FGR: variants seen among roughly 807,000 people sequenced by gnomAD.
FGR encodes tyrosine-protein kinase Fgr.
Under a neutral mutation model 63.2 loss-of-function variants are expected in FGR, and 26 were observed. That is an observed-to-expected ratio of 0.41 (90% CI 0.30 to 0.57). The LOEUF (loss-of-function observed/expected upper bound fraction) is 0.57, where lower values mean the gene tolerates loss of function less well. FGR is among the 20% of genes least tolerant of loss of function. The pLI, the probability that FGR is intolerant of heterozygous loss-of-function variation, is 0.27. For missense variants in FGR, 511 were observed against 690.8 expected (o/e 0.74, Z 2.92); for synonymous variants, 286 against 277.7 (o/e 1.03, Z -0.30).
rs373209754 is a variant in FGR, at chr1:27,614,892, G to A, written c.1053C>T (p.Gly351=). Residue 351 remains glycine, a synonymous_variant, in exon 10 of 13, where the codon GGC becomes GGT. Transcript: ENST00000374005. ...SLLDFLKNPE[G]QDLRLPQLVD... ...CCAATTGGGGCAGCCTCAAATCCTG[G>A]CCCTCTGGGTTCTTGAGAAAATCCA... The A allele has an allele frequency of 6.3e-7, 1 of 1,599,714 alleles. No individual in the cohort carries two copies.
At position 27,613,089 on chromosome 1, in the gene FGR, T is replaced by A. The variant is rs1456131761; in HGVS notation, c.1415A>T (p.Glu472Val). Reference protein sequence around the residue: ...MNKREVLEQVEQGYHMPCPPG... With the variant: ...MNKREVLEQVVQGYHMPCPPG... Reference sequence around the variant, plus strand: ...AGGGCACGGCATGTGGTAGCCCTGCTCCACCTGTTCCAACACTTCCCGTTT... The same window carrying A: ...AGGGCACGGCATGTGGTAGCCCTGCACCACCTGTTCCAACACTTCCCGTTT... The change falls in exon 13 of 13, where the codon GAG becomes GTG. Residue 472 changes from glutamate to valine, a missense_variant. By Grantham distance (121) the Glu-to-Val change is moderately radical. Coordinates refer to ENST00000374005, the MANE Select transcript of FGR (RefSeq NM_005248.3). 2.5e-6 allele frequency: 4 copies of A among 1,614,178 alleles called. No homozygotes were observed. The highest frequency in any genetic ancestry group is 1.7e-5 in the Admixed American group (1 of 60,030).
At chr1:27,621,531 G>A (rs2089925367) in intron 5 of FGR, 28 bp downstream of exon 5, 1 of 1,564,972 alleles carries the variant, frequency 6.4e-7, no homozygotes, top group South Asian at 1.1e-5. Context: ...CTGTCCATAG[G>A]GCTGGTCTTG....
chr1:27,627,621 A>C lies in FGR; in HGVS notation c.-76-2470T>G, dbSNP rs575500919. Among the ~76,000 whole-genome samples the C allele has an allele frequency of 2.6e-4, 39 of 152,170 alleles. 1 individual carries two copies. The highest frequency in any genetic ancestry group is 8.7e-4 in the African/African-American group (36 of 41,510). On this transcript the variant is annotated intron_variant, in intron 1 of 12. Transcript: ENST00000374005. ...TAGTATTATTATTATTAATTTATTT[A>C]TTTTGAGAGGGAGTTTCACTCTTGT...
chr1:27,622,581 C>T (rs2089950493), intron 4 of FGR, among the ~76,000 whole-genome samples: 1 of 152,142 alleles, frequency 6.6e-6, no homozygotes, highest in African/African-American at 2.4e-5. Context: ...TCTCAGCTCA[C>T]TGCAACCTCT....
At position 27,612,211 on chromosome 1, in the gene FGR, C is replaced by T. The variant is rs2148522244; in HGVS notation, c.*703G>A. 1 of 152,316 alleles carries T rather than the reference C, an allele frequency of 6.6e-6. No individual in the cohort carries two copies. The highest frequency in any genetic ancestry group is 2.1e-4 in the South Asian group (1 of 4,824). The allele number at this position is 152,316 out of a possible 1,614,324, so 9.4% of individuals were successfully genotyped here. ...GGCATTAGGGCCCTCTCCAGCTTCC[C>T]CTGCTGCTGCCTGTAGCCATATCTG... On this transcript the variant is annotated 3_prime_UTR_variant, in exon 13 of 13. Coordinates refer to ENST00000374005, the MANE Select transcript of FGR (RefSeq NM_005248.3).
chr1:27,613,637 C>T (rs1259167915), intron 11 of FGR, among the ~76,000 whole-genome samples: 3 of 131,426 alleles, frequency 2.3e-5, no homozygotes, highest in Admixed American at 1.8e-4. Flanking sequence ...TGGGAGGCTT[C>T]AATAACCTGA....
chr1:27,627,252 C>A (rs1014605391), intron 1 of FGR, among the ~76,000 whole-genome samples: 2 of 150,930 alleles, frequency 1.3e-5, no homozygotes, highest in Admixed American at 1.3e-4. Flanking sequence ...CCTCAAATGG[C>A]GCACCATGCT....
At chr1:27,623,265 TC>T (rs1313974245) in intron 3 of FGR, 121 bp from the exon 4 acceptor site, 11 of 707,778 alleles carry the variant, frequency 1.6e-5, no homozygotes, top group Non-Finnish European at 2.7e-5. Flanking sequence ...GTGCTCTGGT[TC>T]CCAAAGGCCT....
At chr1:27,613,387 G>A in intron 11 of FGR, 37 bp from the exon 12 acceptor site, 2 of 1,607,844 alleles carry the variant, frequency 1.2e-6, no homozygotes, top group Non-Finnish European at 1.7e-6. Flanking sequence ...GTTAGTGAGG[G>A]GGTCCCTGGA....
chr1:27,617,310 C>A lies in FGR; in HGVS notation c.429-14G>T, dbSNP rs2089833345. 1 of 1,597,590 alleles carries A rather than the reference C, an allele frequency of 6.3e-7. No individual in the cohort carries two copies. The highest frequency in any genetic ancestry group is 1.3e-5 in the African/African-American group (1 of 74,606). On this transcript the variant is annotated splice_polypyrimidine_tract_variant and intron_variant, in intron 5 of 12. Transcript: ENST00000374005. This position sits in a 1 kb window ranked among gnomAD's most constrained non-coding sequence, Gnocchi z 4.5. ...CCAAAGTACCACCTGTTGGGAAAGG[C>A]AGGCAAGAGTCAGGTACGCTCTGCT...
rs753758593 is a variant in FGR, at chr1:27,614,544, T to TG, written c.1134dup (p.Ile379HisfsTer33). ...TTGGCTGCCCTCAGGTCGCGGTGAATGTAGTTCATGCGTTCCATGTAGGCC... is the reference window on the plus strand; with the variant it reads ...TTGGCTGCCCTCAGGTCGCGGTGAATGGTAGTTCATGCGTTCCATGTAGGCC... On this transcript the variant is annotated frameshift_variant, in exon 11 of 13. Coordinates refer to ENST00000374005, the MANE Select transcript of FGR (RefSeq NM_005248.3). LOFTEE classifies it high-confidence loss of function. 23 of 1,613,948 alleles carry TG rather than the reference T, an allele frequency of 1.4e-5. No homozygotes were observed. The South Asian group carries it at 2.4e-4, about 17-fold the overall frequency.
At chr1:27,631,611 C>T (rs2090105557) in intron 1 of FGR, among the ~76,000 whole-genome samples, 2 of 152,196 alleles carry the variant, frequency 1.3e-5, no homozygotes, top group African/African-American at 4.8e-5. Context: ...TTCTCAGCAT[C>T]AAATGGGGTC....
intron 5 of FGR, 30 bp downstream of exon 5, chr1:27,621,529 A>C (rs1226937539): frequency 8.4e-6 from 13 of 1,554,602 alleles, no homozygotes; most frequent in Non-Finnish European, 1.2e-5. Context: ...TCCTGTCCAT[A>C]GGGCTGGTCT....
intron 5 of FGR, among the ~76,000 whole-genome samples, chr1:27,620,092 A>C (rs1488501571): frequency 3.9e-5 from 6 of 152,016 alleles, no homozygotes; most frequent in Non-Finnish European, 5.9e-5. Context: ...TGAGGCAGGA[A>C]GATCACTTGA....
At position 27,617,401 on chromosome 1, in the gene FGR, A is replaced by C; in HGVS notation, c.429-105T>G. 1 of 783,516 alleles carries C rather than the reference A, an allele frequency of 1.3e-6. No homozygotes were observed. The highest frequency in any genetic ancestry group is 2.2e-6 in the Non-Finnish European group (1 of 456,766). The allele number at this position is 783,516 out of a possible 1,614,324, so 48.5% of individuals were successfully genotyped here. A position where few individuals can be genotyped will look rare whatever the true frequency, so the allele number is the denominator to read the frequency against. On this transcript the variant is annotated intron_variant, in intron 5 of 12. Transcript: ENST00000374005. The surrounding 1 kb of genome is among the most constrained non-coding windows in gnomAD (Gnocchi z 4.5). ...CAAGACTCCATTTTCCCCATGTGTA[A>C]AATGGGGCTGGTACACCTGCTTCAC...
Position 27,616,848 on chromosome 1 carries a change from T to G in FGR, c.682+9A>C. The G allele has an allele frequency of 6.2e-7, 1 of 1,613,792 alleles. No homozygotes were observed. Among genetic ancestry groups the G allele is most frequent in the Non-Finnish European group, 8.5e-7 (1 of 1,179,696 alleles). On this transcript the variant is annotated intron_variant, in intron 7 of 12. Transcript: ENST00000374005. This position sits in a 1 kb window ranked among gnomAD's most constrained non-coding sequence, Gnocchi z 4.3. ...GGTTGGTTCAGGGATCTGAGGCCCC[T>G]GCCCTCACCCATGTAGTGCTGCACC...
At chr1:27,632,137 C>CT (rs1250174088) in intron 1 of FGR, among the ~76,000 whole-genome samples, 4,721 of 148,020 alleles carry the variant, frequency 0.032, 261 homozygotes, top group African/African-American at 0.11. Context: ...TCTTCTTCTT[C>CT]TTCTTTTTTT....
chr1:27,626,158 A>G (rs1466850095), intron 1 of FGR: 2 of 398,560 alleles, frequency 5.0e-6, no homozygotes, highest in Non-Finnish European at 8.8e-6. Flanking sequence ...TGGCAGCGGT[A>G]TCCTCTGAGC....
At chr1:27,621,721 G>A in intron 4 of FGR, 64 bp from the exon 5 acceptor site, 2 of 1,177,780 alleles carry the variant, frequency 1.7e-6, no homozygotes, top group Non-Finnish European at 2.6e-6. Flanking sequence ...CTGAGGCCAG[G>A]TGGAGCCACA....
Sources: allele counts gnomAD v4.1 joint callset (sites outside exome capture counted in the v4.1 genomes callset), GRCh38; gene constraint gnomAD v4.1.1; non-coding constraint Gnocchi (gnomAD v3.1); transcripts MANE v1.5; gene names NCBI Gene and HGNC (gene_info 2026-07-23, HGNC 2026-07-21).